CACNA1C: variants seen among roughly 807,000 people sequenced by gnomAD.
CACNA1C encodes voltage-dependent L-type calcium channel subunit alpha-1C.
CACNA1C carries 30 observed loss-of-function variants against 229.0 expected under a neutral mutation model. The observed-to-expected ratio is 0.13, with a 90% CI of 0.10 to 0.18. The LOEUF (loss-of-function observed/expected upper bound fraction) is 0.18, where lower values mean the gene tolerates loss of function less well. Among genes scored for constraint, CACNA1C ranks in the 10% least tolerant of loss-of-function variants. The pLI is 1.00. For missense variants in CACNA1C, 1,658 were observed against 2,845.0 expected, an observed-to-expected ratio of 0.58 and a Z score of 9.49; for synonymous variants, 1,114 against 1,132.5, an observed-to-expected ratio of 0.98 and a Z score of 0.33.
chr12:2,482,692 C>G (rs1785317321), intron 5 of CACNA1C, among the ~76,000 whole-genome samples: 1 of 152,186 alleles, frequency 6.6e-6, no homozygotes. Flanking sequence ...TTGGATACCT[C>G]TGAGGATGGG....
intron 11 of CACNA1C, among the ~76,000 whole-genome samples, chr12:2,563,882 G>A (rs1020050780): frequency 6.6e-6 from 1 of 152,242 alleles, no homozygotes; most frequent in Non-Finnish European, 1.5e-5. Flanking sequence ...CCCACATGTG[G>A]TGCTGCTACA....
chr12:2,095,088 A>C (rs1229114618), intron 1 of CACNA1C, among the ~76,000 whole-genome samples: 3 of 152,322 alleles, frequency 2.0e-5, no homozygotes, highest in African/African-American at 7.2e-5. Context: ...GGCAATACAG[A>C]CGGGAACTTA....
chr12:2,122,440 A>C (rs2087269613), intron 3 of CACNA1C, among the ~76,000 whole-genome samples: 1 of 152,150 alleles, frequency 6.6e-6, no homozygotes, highest in African/African-American at 2.4e-5. Flanking sequence ...GAAAACCCTT[A>C]AAACAGATGA....
intron 5 of CACNA1C, among the ~76,000 whole-genome samples, chr12:2,472,369 CAT>C (rs1374133369): frequency 6.6e-6 from 1 of 152,134 alleles, no homozygotes; most frequent in Non-Finnish European, 1.5e-5. Context: ...TCAGTTGACT[CAT>C]GTTTCCTCTA....
chr12:2,100,466 CA>C (rs1204435262), intron 1 of CACNA1C, among the ~76,000 whole-genome samples: 25 of 42,482 alleles, frequency 5.9e-4, no homozygotes, highest in East Asian at 6.8e-4. Flanking sequence ...GACTCCATCT[CA>C]AAAAAAAAAA....
chr12:2,683,349 C>T (rs2097274148), intron 43 of CACNA1C, among the ~76,000 whole-genome samples: 1 of 152,160 alleles, frequency 6.6e-6, no homozygotes, highest in South Asian at 2.1e-4. Flanking sequence ...TGGGGGTCTC[C>T]TTGAGAAACA....
chr12:2,338,854 C>T (rs541993204), intron 3 of CACNA1C, among the ~76,000 whole-genome samples: 31 of 152,130 alleles, frequency 2.0e-4, no homozygotes, highest in African/African-American at 7.5e-4. Flanking sequence ...CCAACACACC[C>T]CCAAGTTGAG....
chr12:2,474,675 G>C (rs1267541398), intron 5 of CACNA1C, among the ~76,000 whole-genome samples: 1 of 149,718 alleles, frequency 6.7e-6, no homozygotes, highest in Non-Finnish European at 1.5e-5. Context: ...AGAATCACTT[G>C]AACCTGGGAG....
intron 3 of CACNA1C, among the ~76,000 whole-genome samples, chr12:2,443,242 G>C (rs2099245964): frequency 6.6e-6 from 1 of 152,202 alleles, no homozygotes; most frequent in South Asian, 2.1e-4. Context: ...AAACTTTCCT[G>C]TTCCAAAAGG....
At chr12:2,169,359 C>T (rs1351921801) in intron 3 of CACNA1C, among the ~76,000 whole-genome samples, 4 of 152,182 alleles carry the variant, frequency 2.6e-5, no homozygotes. Context: ...TGTTCCCAAT[C>T]TGAAACGTGT....
rs1232226690 is a variant in CACNA1C at position 2,653,599 on chromosome 12, C to T, written c.4075-236C>T. Among the ~76,000 whole-genome samples, 2 of 152,166 alleles carry T rather than the reference C, an allele frequency of 1.3e-5. No homozygotes were observed. Among genetic ancestry groups the T allele is most frequent in the African/African-American group, 4.8e-5 (2 of 41,442 alleles). ...ATTGTTTTGCCCAGGTAGTGTCGCA[C>T]TATATCGTTACTCTGCGGCCTGCTT... On this transcript the variant is annotated intron_variant, in intron 32 of 46. Coordinates refer to ENST00000399655, the MANE Select transcript of CACNA1C (RefSeq NM_000719.7). This position sits in a 1 kb window ranked among gnomAD's most constrained non-coding sequence, Gnocchi z 4.7.
intron 30 of CACNA1C, among the ~76,000 whole-genome samples, chr12:2,645,385 T>C (rs2094224932): frequency 6.6e-6 from 1 of 152,206 alleles, no homozygotes; most frequent in South Asian, 2.1e-4. Flanking sequence ...TATTGATGGC[T>C]ACCAACAAAT....
chr12:2,261,360 A>T (rs2154402566), intron 3 of CACNA1C, among the ~76,000 whole-genome samples: 1 of 152,360 alleles, frequency 6.6e-6, no homozygotes, highest in South Asian at 2.1e-4. Context: ...ATTTGTATAG[A>T]TTAGTGTCTG....
In CACNA1C at chr12:2,115,208, T is replaced by C; in HGVS notation, c.50-16T>C. 2.0e-6 allele frequency: 3 copies of C among 1,526,792 alleles called. No individual in the cohort carries two copies. Among genetic ancestry groups the C allele is most frequent in the South Asian group, 1.3e-5 (1 of 77,604 alleles). The allele number at this position is 1,526,792 out of a possible 1,614,324, so 94.6% of individuals were successfully genotyped here. A position where few individuals can be genotyped will look rare whatever the true frequency, so the allele number is the denominator to read the frequency against. On this transcript the variant is annotated splice_polypyrimidine_tract_variant and intron_variant, in intron 1 of 46. Coordinates refer to ENST00000399655, the MANE Select transcript of CACNA1C (RefSeq NM_000719.7). Reference sequence around the variant, plus strand: ...TCTATCTAGTAACTGTTGTGTTCTTTTCTCTTTTGCCACAGGTTCCAACTA... The same window carrying C: ...TCTATCTAGTAACTGTTGTGTTCTTCTCTCTTTTGCCACAGGTTCCAACTA...
intron 5 of CACNA1C, among the ~76,000 whole-genome samples, chr12:2,460,288 G>A (rs539541583): frequency 2.6e-5 from 4 of 152,362 alleles, no homozygotes; most frequent in East Asian, 1.9e-4. Context: ...TGGCCAAAGC[G>A]AGTCACATGG....
At chr12:2,159,603 C>CTT (rs575455560) in intron 3 of CACNA1C, among the ~76,000 whole-genome samples, 25 of 138,348 alleles carry the variant, frequency 1.8e-4, no homozygotes, top group Admixed American at 5.9e-4. Flanking sequence ...CTTTCTTTCT[C>CTT]TTTTTTTTTT....
intron 3 of CACNA1C, among the ~76,000 whole-genome samples, chr12:2,321,504 A>G (rs1296098388): frequency 1.3e-5 from 2 of 152,164 alleles, no homozygotes; most frequent in African/African-American, 4.8e-5. Flanking sequence ...TTGAGCACCT[A>G]CAGTGTGTCA....
intron 18 of CACNA1C, among the ~76,000 whole-genome samples, chr12:2,592,847 A>T (rs2066056241): frequency 6.6e-6 from 1 of 151,836 alleles, no homozygotes; most frequent in African/African-American, 2.4e-5. Context: ...GCCTAGATAG[A>T]TGAGTAACAC....
intron 3 of CACNA1C, among the ~76,000 whole-genome samples, chr12:2,180,356 C>A (rs1194692322): frequency 6.6e-6 from 1 of 152,224 alleles, no homozygotes; most frequent in Non-Finnish European, 1.5e-5. Flanking sequence ...CTGGCTTCTG[C>A]TAGGAAGCCC....
Sources: allele counts gnomAD v4.1 joint callset (sites outside exome capture counted in the v4.1 genomes callset), GRCh38; gene constraint gnomAD v4.1.1; non-coding constraint Gnocchi (gnomAD v3.1); transcripts MANE v1.5; gene names NCBI Gene and HGNC (gene_info 2026-07-23, HGNC 2026-07-21).